Variants in CFAP47 observed in about 807,000 individuals in gnomAD.
CFAP47 encodes cilia- and flagella-associated protein 47.
Under a neutral mutation model 148.1 loss-of-function variants are expected in CFAP47, and 29 were observed. The ratio of observed to expected loss-of-function variants is 0.20; its 90% CI spans 0.15 to 0.27. CFAP47 has a LOEUF of 0.27. Ranked by LOEUF, CFAP47 falls within the 10% of genes least tolerant of loss-of-function variation. CFAP47 has a pLI of 1.00. For synonymous variants in CFAP47, 664 were observed against 577.3 expected, an observed-to-expected ratio of 1.15 and a Z score of -2.15; for missense variants, 1,872 against 1,697.5, an observed-to-expected ratio of 1.10 and a Z score of -1.81.
chrX:36,018,207 G>T (rs780508231), intron 22 of CFAP47, among the ~76,000 whole-genome samples: 12 of 111,686 alleles, frequency 1.1e-4, no homozygotes, highest in Non-Finnish European at 2.3e-4. Context: ...TTTTTCTGTC[G>T]ATTTTGTATC....
At chrX:35,925,910 C>T in intron 1 of CFAP47, 107 bp from the exon 2 acceptor site, 3 of 617,322 alleles carry the variant, frequency 4.9e-6, no homozygotes, top group Non-Finnish European at 4.9e-6. Context: ...TGGCCTCCAC[C>T]TCCCAAAGTG....
chrX:36,131,186 T>G (rs888092305), intron 33 of CFAP47, among the ~76,000 whole-genome samples: 7 of 110,974 alleles, frequency 6.3e-5, no homozygotes, highest in Non-Finnish European at 1.3e-4. Flanking sequence ...CATAAATATA[T>G]GCATCTACTA....
At chrX:35,941,246 T>C in intron 2 of CFAP47, 37 bp from the exon 3 acceptor site, 1 of 772,306 alleles carries the variant, frequency 1.3e-6, no homozygotes, top group South Asian at 2.4e-5. Context: ...CTTATGATTG[T>C]TAAATTAATT....
chrX:36,149,556 G>A (rs1939280237), intron 37 of CFAP47, among the ~76,000 whole-genome samples: 1 of 108,336 alleles, frequency 9.2e-6, no homozygotes, highest in African/African-American at 3.3e-5. Context: ...CTAAAAGTAT[G>A]TATGTATATA....
chrX:36,124,178 C>T (rs183167521), intron 33 of CFAP47, among the ~76,000 whole-genome samples: 1 of 111,532 alleles, frequency 9.0e-6, no homozygotes, highest in East Asian at 2.9e-4. Context: ...ACAGGGTTCT[C>T]CCAACTCTTC....
intron 36 of CFAP47, among the ~76,000 whole-genome samples, chrX:36,148,901 A>ATGTGTGTGTGTG (rs60968920): frequency 0.011 from 1,048 of 92,246 alleles, 21 homozygotes; most frequent in African/African-American, 0.028. Context: ...AACTGTATGT[A>ATGTGTGTGTGTG]TGTGTGTGTG....
chrX:35,941,909 C>G (rs1382185424), intron 3 of CFAP47, among the ~76,000 whole-genome samples: 2 of 111,170 alleles, frequency 1.8e-5, no homozygotes, highest in African/African-American at 3.3e-5. Context: ...TCAAACTCCC[C>G]AGAAGGCTTT....
intron 49 of CFAP47, among the ~76,000 whole-genome samples, chrX:36,268,754 T>A (rs1439767671): frequency 4.5e-5 from 5 of 112,235 alleles, no homozygotes; most frequent in African/African-American, 1.6e-4. Flanking sequence ...AATGAAAATG[T>A]GATTTGGCAG....
chrX:36,166,581 T>C (rs1384219965), intron 39 of CFAP47, among the ~76,000 whole-genome samples: 1 of 111,864 alleles, frequency 8.9e-6, no homozygotes, highest in Non-Finnish European at 1.9e-5. Context: ...TTAAATTTGA[T>C]TTCTGTTCAA....
At chrX:36,030,454 T>C (rs1004516304) in intron 22 of CFAP47, among the ~76,000 whole-genome samples, 1 of 110,787 alleles carries the variant, frequency 9.0e-6, no homozygotes, top group African/African-American at 3.3e-5. Context: ...GTGGTAACAT[T>C]GTCTCTTTTA....
intron 21 of CFAP47, among the ~76,000 whole-genome samples, chrX:36,012,358 C>A: frequency 8.9e-6 from 1 of 111,920 alleles, no homozygotes; most frequent in South Asian, 3.7e-4. Context: ...TATAAAGACA[C>A]ATGCACACGT....
At chrX:36,106,833 T>C (rs1938474431) in intron 33 of CFAP47, among the ~76,000 whole-genome samples, 1 of 111,577 alleles carries the variant, frequency 9.0e-6, no homozygotes, top group South Asian at 3.7e-4. Flanking sequence ...GAAGGAGTGA[T>C]GAATAGGTAG....
chrX:36,310,329 A>G (rs1434656243), intron 55 of CFAP47, among the ~76,000 whole-genome samples: 1 of 111,156 alleles, frequency 9.0e-6, no homozygotes, highest in Non-Finnish European at 1.9e-5. Flanking sequence ...CAGATAATGC[A>G]CTGGACTCGA....
At chrX:36,216,898 T>C (rs189969577) in intron 45 of CFAP47, among the ~76,000 whole-genome samples, 102 of 76,913 alleles carry the variant, frequency 1.3e-3, no homozygotes, top group Middle Eastern at 5.5e-3. Flanking sequence ...CAGGAGCAAT[T>C]TGGGGAGGTT....
intron 42 of CFAP47, among the ~76,000 whole-genome samples, chrX:36,190,739 GAGTT>G (rs1939856825): frequency 9.0e-6 from 1 of 111,238 alleles, no homozygotes; most frequent in Non-Finnish European, 1.9e-5. Context: ...GAGACAGAGA[GAGTT>G]AGAGAGGGGG....
At chrX:36,142,137 T>C (rs1335787161) in intron 35 of CFAP47, among the ~76,000 whole-genome samples, 2 of 112,112 alleles carry the variant, frequency 1.8e-5, no homozygotes, top group African/African-American at 3.2e-5. Flanking sequence ...TATATCATTA[T>C]GTACTGCTAA....
chrX:36,247,671 G>C (rs1940633682), intron 48 of CFAP47, among the ~76,000 whole-genome samples: 1 of 110,402 alleles, frequency 9.1e-6, no homozygotes, highest in Admixed American at 9.7e-5. Flanking sequence ...CTCAAAAATA[G>C]AGTAAAATAT....
chrX:36,152,226 C>T (rs972779932), intron 37 of CFAP47, among the ~76,000 whole-genome samples: 19 of 111,177 alleles, frequency 1.7e-4, no homozygotes, highest in Non-Finnish European at 3.8e-5. Flanking sequence ...TTACAGCAAT[C>T]AAGGTATTGA....
At position 36,160,725 on chromosome X, in the gene CFAP47, C is replaced by T. The variant is rs1334768926; in HGVS notation, c.5982C>T (p.Val1994=). The change falls in exon 39 of 64, where the codon GTC becomes GTT. Residue 1994 remains valine (V), a synonymous_variant. Transcript: ENST00000378653. ...GCCCATGTTATCAATTTCAGGAAGT[C>T]ACTGTAAATGTGAAAAACCCCTTCC... ...CESPCYQFQE[V]TVNVKNPFHT... 3.4e-6 allele frequency: 1 copy of T among 293,928 alleles called. No homozygotes were observed. Among genetic ancestry groups the T allele is most frequent in the African/African-American group, 2.8e-5 (1 of 36,132 alleles). 24.2% of individuals were successfully genotyped at this position (293,928 alleles called of 1,213,427 possible). A position where few individuals can be genotyped will look rare whatever the true frequency, so the allele number is the denominator to read the frequency against.
Sources: gnomAD v4.1 joint callset for allele counts (sites outside exome capture counted in the v4.1 genomes callset) on GRCh38, gnomAD v4.1.1 for gene constraint, MANE v1.5 for transcripts, NCBI Gene and HGNC (gene_info 2026-07-23, HGNC 2026-07-21) for gene names.